DNAH11: variants seen among roughly 807,000 people sequenced by gnomAD.
DNAH11 encodes the protein dynein axonemal heavy chain 11, also known as axonemal beta dynein heavy chain 11.
DNAH11 carries 442 observed loss-of-function variants against 526.0 expected under a neutral mutation model. The ratio of observed to expected loss-of-function variants is 0.84; its 90% CI spans 0.78 to 0.91. The LOEUF (loss-of-function observed/expected upper bound fraction) is 0.91, where lower values mean the gene tolerates loss of function less well. DNAH11 is among the 40% of genes least tolerant of loss of function. The probability of loss-of-function intolerance (pLI) is 0.00; values close to 1 mark genes in which losing one functional copy is unlikely to be tolerated. For synonymous variants in DNAH11, 2,461 were observed against 1,935.9 expected (o/e 1.27, Z -7.12); for missense variants, 6,989 against 5,448.7 (o/e 1.28, Z -8.90).
At chr7:21,616,900 G>A (rs1343153698) in intron 22 of DNAH11, among the ~76,000 whole-genome samples, 1 of 152,180 alleles carries the variant, frequency 6.6e-6, no homozygotes, top group African/African-American at 2.4e-5. Context: ...GCAGTTAAAA[G>A]TGACAGGACC....
chr7:21,786,983 A>G (rs1788221407), intron 59 of DNAH11, among the ~76,000 whole-genome samples: 2 of 152,266 alleles, frequency 1.3e-5, no homozygotes, highest in Non-Finnish European at 1.5e-5. Flanking sequence ...CAATGCCAGC[A>G]GCAGGTGGAA....
At chr7:21,793,570 C>T (rs111977426) in intron 61 of DNAH11, among the ~76,000 whole-genome samples, 4 of 147,970 alleles carry the variant, frequency 2.7e-5, no homozygotes, top group East Asian at 2.0e-4. Context: ...GAGCCGAGAT[C>T]GTGCCATTGC....
At chr7:21,628,431 G>T (rs1786452771) in intron 25 of DNAH11, among the ~76,000 whole-genome samples, 1 of 152,002 alleles carries the variant, frequency 6.6e-6, no homozygotes, top group Non-Finnish European at 1.5e-5. Flanking sequence ...TGGATTTATT[G>T]TATATGTCCT....
intron 54 of DNAH11, among the ~76,000 whole-genome samples, chr7:21,763,347 A>G (rs201111733): frequency 4.7e-5 from 2 of 42,812 alleles, no homozygotes; most frequent in African/African-American, 6.1e-5. Context: ...CTCAAAAAAA[A>G]AAAAAAAAAG....
intron 51 of DNAH11, among the ~76,000 whole-genome samples, chr7:21,746,338 TCACAC>T (rs567319193): frequency 1.4e-3 from 214 of 152,256 alleles, no homozygotes; most frequent in African/African-American, 4.7e-3. Flanking sequence ...GTGTGGTGGC[TCACAC>T]CTGTAATCCC....
At chr7:21,791,804 G>A (rs962278194) in intron 61 of DNAH11, among the ~76,000 whole-genome samples, 1 of 152,168 alleles carries the variant, frequency 6.6e-6, no homozygotes, top group African/African-American at 2.4e-5. Context: ...AGTCATGACT[G>A]GAGTTTGAGA....
At chr7:21,835,392 G>A (rs756134407) in intron 65 of DNAH11, among the ~76,000 whole-genome samples, 5 of 151,904 alleles carry the variant, frequency 3.3e-5, no homozygotes, top group Non-Finnish European at 7.4e-5. Flanking sequence ...AAATTCAACA[G>A]CACATTAAAA....
chr7:21,580,994 T>A (rs1340145645), intron 8 of DNAH11, among the ~76,000 whole-genome samples: 2 of 152,162 alleles, frequency 1.3e-5, no homozygotes, highest in Non-Finnish European at 2.9e-5. Flanking sequence ...CACAAAAAAT[T>A]ATAACCTACA....
At chr7:21,626,835 CT>C (rs973065957) in intron 25 of DNAH11, among the ~76,000 whole-genome samples, 1 of 144,204 alleles carries the variant, frequency 6.9e-6, no homozygotes, top group Non-Finnish European at 1.5e-5. Context: ...ACTGCAAGCT[CT>C]GCCTTCCAGG....
At position 21,901,206 on chromosome 7, in the gene DNAH11, G is replaced by T; in HGVS notation, c.13503G>T (p.Lys4501Asn). The T allele has an allele frequency of 6.2e-7, 1 of 1,613,628 alleles. No homozygotes were observed. Among genetic ancestry groups the T allele is most frequent in the Non-Finnish European group, 8.5e-7 (1 of 1,179,688 alleles). The part of the protein sequence containing the change: ...IWTFRLKSEE[K>N]TAKWVLAGVA... The stretch of plus-strand genomic sequence containing the variant: ...CCTTCAGGCTGAAGAGCGAAGAGAA[G>T]ACTGCAAAATGGGTTCTGGCTGGAG... Residue 4501 changes from lysine (K) to asparagine (N), a missense_variant, in exon 82 of 82, where the codon AAG becomes AAT. Coordinates refer to ENST00000409508, the MANE Select transcript of DNAH11 (RefSeq NM_001277115.2).
At chr7:21,716,215 G>A (rs1286994528) in intron 42 of DNAH11, among the ~76,000 whole-genome samples, 2 of 152,114 alleles carry the variant, frequency 1.3e-5, no homozygotes, top group African/African-American at 2.4e-5. Flanking sequence ...CCAGAATCCA[G>A]GATGCCAACT....
chr7:21,616,395 T>C lies in DNAH11; in HGVS notation c.4095+103T>C, dbSNP rs989989089. On this transcript the variant is annotated intron_variant, in intron 22 of 81. Coordinates refer to ENST00000409508, the MANE Select transcript of DNAH11 (RefSeq NM_001277115.2). Reference sequence around the variant, plus strand: ...TGGTGTATTGGGCTGCATGTACTTATTTACTTCTAACAGAGTGATAGCAGA... The same window carrying C: ...TGGTGTATTGGGCTGCATGTACTTACTTACTTCTAACAGAGTGATAGCAGA... 2.1e-5 allele frequency: 18 copies of C among 862,562 alleles called. No individual in the cohort carries two copies. In the East Asian group the frequency reaches 2.1e-4, roughly 10 times the overall value. The allele number at this position is 862,562 out of a possible 1,614,324, so 53.4% of individuals were successfully genotyped here.
chr7:21,589,079 G>T, intron 11 of DNAH11, 129 bp from the exon 12 acceptor site: 1 of 629,078 alleles, frequency 1.6e-6, no homozygotes, highest in Non-Finnish European at 2.5e-6. Flanking sequence ...CACATAATTT[G>T]GTCTTGACTG....
At chr7:21,851,617 A>T (rs1562583942) in intron 66 of DNAH11, 2 of 470,948 alleles carry the variant, frequency 4.2e-6, no homozygotes, top group Non-Finnish European at 4.4e-6. Flanking sequence ...CCTTCACTGT[A>T]AGAACCGGAT....
At chr7:21,851,730 A>C in intron 66 of DNAH11, 2 of 463,618 alleles carry the variant, frequency 4.3e-6, no homozygotes, top group Non-Finnish European at 4.5e-6. Context: ...TGTTCCCGAG[A>C]AGCTGTGATT....
chr7:21,554,091 T>C (rs1562656135), intron 2 of DNAH11, among the ~76,000 whole-genome samples: 1 of 152,068 alleles, frequency 6.6e-6, no homozygotes, highest in Non-Finnish European at 1.5e-5. Flanking sequence ...TTTGAGACCT[T>C]TTGTGTCCCA....
In DNAH11 at chr7:21,814,908, G is replaced by A. The variant is rs1187475129; in HGVS notation, c.10333-1559G>A. ...AAAAAATTCTGTATGTAGCTATGCTGCTGGTTATTTGGACACAATACTATC... is the reference window on the plus strand; with the variant it reads ...AAAAAATTCTGTATGTAGCTATGCTACTGGTTATTTGGACACAATACTATC... On this transcript the variant is annotated intron_variant, in intron 63 of 81. Transcript: ENST00000409508. Among the ~76,000 whole-genome samples, 5 of 152,078 alleles carry A rather than the reference G, an allele frequency of 3.3e-5. No homozygotes were observed. The East Asian group carries it at 7.7e-4, about 23-fold the overall frequency.
At chr7:21,797,094 A>G (rs972668976) in intron 61 of DNAH11, among the ~76,000 whole-genome samples, 2 of 152,174 alleles carry the variant, frequency 1.3e-5, no homozygotes, top group Non-Finnish European at 2.9e-5. Context: ...CTATAGAGAA[A>G]AATTTTTTGA....
rs761734797 is a variant in DNAH11 at position 21,637,586 on chromosome 7, G to A, written c.4726-25G>A. ...TAGAAAAGATTGTTCTAATATCCAC[G>A]GCCCCGTATTGTACTTTCATGCAGG... On this transcript the variant is annotated intron_variant, in intron 26 of 81. Coordinates refer to ENST00000409508, the MANE Select transcript of DNAH11 (RefSeq NM_001277115.2). The A allele has an allele frequency of 1.4e-5, 20 of 1,400,372 alleles. No homozygotes were observed. In the East Asian group the frequency reaches 1.9e-4, roughly 14 times the overall value. 86.7% of individuals were successfully genotyped at this position (1,400,372 alleles called of 1,614,324 possible).
Sources: allele counts gnomAD v4.1 joint callset (sites outside exome capture counted in the v4.1 genomes callset), GRCh38; gene constraint gnomAD v4.1.1; transcripts MANE v1.5; gene names NCBI Gene and HGNC (gene_info 2026-07-23, HGNC 2026-07-21).